PROS1: variants seen among roughly 807,000 people sequenced by gnomAD.
PROS1 encodes vitamin K-dependent protein S.
Under a neutral mutation model 75.9 loss-of-function variants are expected in PROS1, and 29 were observed. That is an observed-to-expected ratio of 0.38 (90% confidence interval 0.28 to 0.52). The LOEUF is 0.52. Among genes scored for constraint, PROS1 ranks in the 20% least tolerant of loss-of-function variants. The pLI is 0.83. For missense variants in PROS1, 680 were observed against 810.3 expected, an observed-to-expected ratio of 0.84 and a Z score of 1.95; for synonymous variants, 245 against 280.6, an observed-to-expected ratio of 0.87 and a Z score of 1.27.
At chr3:93,959,795 G>A (rs1709673474) in intron 1 of PROS1, among the ~76,000 whole-genome samples, 1 of 152,134 alleles carries the variant, frequency 6.6e-6, no homozygotes. Context: ...TCTTTTCAAG[G>A]TAATTTCTAA....
intron 10 of PROS1, among the ~76,000 whole-genome samples, chr3:93,889,594 A>G (rs1449335978): frequency 1.3e-5 from 2 of 152,230 alleles, no homozygotes; most frequent in Non-Finnish European, 2.9e-5. Flanking sequence ...CTCTAGAGCA[A>G]GGAAAATCTC....
At chr3:93,954,427 C>T (rs530928399) in intron 1 of PROS1, among the ~76,000 whole-genome samples, 1 of 152,282 alleles carries the variant, frequency 6.6e-6, no homozygotes, top group South Asian at 2.1e-4. Flanking sequence ...TACCACACAT[C>T]TACAACCACC....
At chr3:93,942,574 G>C (rs1417992113) in intron 1 of PROS1, among the ~76,000 whole-genome samples, 1 of 152,002 alleles carries the variant, frequency 6.6e-6, no homozygotes, top group Non-Finnish European at 1.5e-5. Context: ...CTTTCTCACT[G>C]GTCACTCCCA....
At chr3:93,907,111 G>A (rs1359252557) in intron 4 of PROS1, among the ~76,000 whole-genome samples, 1 of 152,224 alleles carries the variant, frequency 6.6e-6, no homozygotes, top group Non-Finnish European at 1.5e-5. Context: ...TGAGGCCTGT[G>A]GGCTGGGCTA....
chr3:93,971,094 C>A (rs1183739692), intron 1 of PROS1, among the ~76,000 whole-genome samples: 1 of 152,056 alleles, frequency 6.6e-6, no homozygotes, highest in African/African-American at 2.4e-5. Flanking sequence ...GTAATCCCAG[C>A]ACTTTGGGAG....
intron 10 of PROS1, among the ~76,000 whole-genome samples, chr3:93,889,301 T>C (rs1287366547): frequency 6.6e-6 from 1 of 152,220 alleles, no homozygotes; most frequent in Non-Finnish European, 1.5e-5. Context: ...GCAAGCTCCA[T>C]AAGAGCACTG....
intron 3 of PROS1, chr3:93,910,990 T>A (rs998677316): frequency 2.6e-6 from 1 of 383,194 alleles, no homozygotes; most frequent in African/African-American, 2.1e-5. Context: ...TGATTTAGCA[T>A]AGAAATTTAT....
chr3:93,909,744 A>G (rs946687916), intron 4 of PROS1, among the ~76,000 whole-genome samples: 6 of 152,166 alleles, frequency 3.9e-5, no homozygotes, highest in African/African-American at 1.4e-4. Context: ...TTGTTGTTAA[A>G]TAAATAAATA....
chr3:93,879,551 T>C (rs1347739298), intron 12 of PROS1, among the ~76,000 whole-genome samples: 3 of 152,196 alleles, frequency 2.0e-5, no homozygotes, highest in Non-Finnish European at 4.4e-5. Flanking sequence ...GAATTCTGGA[T>C]TGTGGTGTTA....
intron 8 of PROS1, 107 bp from the exon 9 acceptor site, chr3:93,896,798 C>T (rs190029584): frequency 1.1e-5 from 8 of 755,372 alleles, no homozygotes; most frequent in Admixed American, 8.4e-5. Context: ...AATGTATCAT[C>T]TGTAATACAC....
intron 6 of PROS1, among the ~76,000 whole-genome samples, chr3:93,902,315 A>T (rs917168688): frequency 1.3e-5 from 2 of 152,140 alleles, no homozygotes; most frequent in Non-Finnish European, 2.9e-5. Flanking sequence ...ATAAATAATA[A>T]AATAAAATAA....
intron 1 of PROS1, among the ~76,000 whole-genome samples, chr3:93,966,789 G>T (rs548981067): frequency 7.0e-6 from 1 of 143,680 alleles, no homozygotes; most frequent in South Asian, 2.2e-4. Flanking sequence ...GAGGCAGGGC[G>T]ACAGAGCAAG....
chr3:93,902,546 C>T (rs1206543610), intron 6 of PROS1, among the ~76,000 whole-genome samples: 8 of 151,826 alleles, frequency 5.3e-5, no homozygotes, highest in Admixed American at 2.0e-4. Context: ...TGAGCTCAGG[C>T]GTTCAAGACC....
intron 10 of PROS1, among the ~76,000 whole-genome samples, chr3:93,889,200 T>C (rs971114050): frequency 2.6e-5 from 4 of 152,258 alleles, no homozygotes; most frequent in African/African-American, 9.6e-5. Flanking sequence ...TCTATGTCTT[T>C]GTCTGGCTTT....
chr3:93,876,588 CAAAAAAAAAAAAAAAA>C (rs34147087), intron 14 of PROS1, among the ~76,000 whole-genome samples: 2 of 34,990 alleles, frequency 5.7e-5, no homozygotes, highest in Non-Finnish European at 9.9e-5. Context: ...GACTCCATCT[CAAAAAAAAAAAAAAAA>C]AAAAAAAAAG....
intron 1 of PROS1, among the ~76,000 whole-genome samples, chr3:93,967,771 C>A (rs964823506): frequency 6.6e-6 from 1 of 152,016 alleles, no homozygotes. Context: ...CACCTATAGT[C>A]CTAGTTACTT....
At chr3:93,924,178 A>C (rs1708984030) in intron 3 of PROS1, 62 bp downstream of exon 3, 1 of 1,146,980 alleles carries the variant, frequency 8.7e-7, no homozygotes. Flanking sequence ...AGAGTTAGAC[A>C]GGAACATATC....
At chr3:93,940,382 C>A (rs934185444) in intron 1 of PROS1, among the ~76,000 whole-genome samples, 4 of 152,124 alleles carry the variant, frequency 2.6e-5, no homozygotes, top group African/African-American at 9.7e-5. Flanking sequence ...CCTTCTTAAT[C>A]AATATGGAGG....
At chr3:93,884,936 C>T (rs1474471521) in intron 11 of PROS1, 40 bp from the exon 12 acceptor site, 1 of 1,558,046 alleles carries the variant, frequency 6.4e-7, no homozygotes, top group African/African-American at 1.4e-5. Context: ...GCATTTTAAA[C>T]TTAAACAGTG....
Sources: gnomAD v4.1 joint callset for allele counts (sites outside exome capture counted in the v4.1 genomes callset) on GRCh38, gnomAD v4.1.1 for gene constraint, MANE v1.5 for transcripts, NCBI Gene and HGNC (gene_info 2026-07-23, HGNC 2026-07-21) for gene names.